Variants in MID1 observed in about 807,000 individuals in gnomAD.
The protein encoded by MID1 is midline 1.
In MID1, 7 loss-of-function variants were observed where a neutral mutation model predicts 40.4. The ratio of observed to expected loss-of-function variants is 0.17; its 90% CI spans 0.10 to 0.33. The LOEUF is 0.33. Among genes scored for constraint, MID1 ranks in the 10% least tolerant of loss-of-function variants. The pLI, the probability that MID1 is intolerant of heterozygous loss-of-function variation, is 1.00. For synonymous variants in MID1, 229 were observed against 221.2 expected, an observed-to-expected ratio of 1.04 and a Z score of -0.31; for missense variants, 367 against 558.5, an observed-to-expected ratio of 0.66 and a Z score of 3.46.
intron 1 of MID1, among the ~76,000 whole-genome samples, chrX:10,762,509 C>CT (rs1463556696): frequency 9.2e-6 from 1 of 109,273 alleles, no homozygotes; most frequent in African/African-American, 3.3e-5. Context: ...TATCGGCTCA[C>CT]TGCAGCCTCA....
chrX:10,545,780 T>C (rs1249038480), intron 2 of MID1, among the ~76,000 whole-genome samples: 1 of 111,863 alleles, frequency 8.9e-6, no homozygotes, highest in African/African-American at 3.2e-5. Flanking sequence ...GAAACATACC[T>C]ATTTGAAAGC....
intron 1 of MID1, among the ~76,000 whole-genome samples, chrX:10,597,525 C>G (rs772371361): frequency 1.8e-5 from 2 of 111,679 alleles, no homozygotes; most frequent in Non-Finnish European, 3.8e-5. Flanking sequence ...AAAACTAGTT[C>G]TCAGTGGCAA....
At chrX:10,556,638 C>T (rs1456577836) in intron 2 of MID1, among the ~76,000 whole-genome samples, 1 of 112,011 alleles carries the variant, frequency 8.9e-6, no homozygotes, top group Non-Finnish European at 1.9e-5. Context: ...ACCTCGTGTA[C>T]ATCCAACACT....
chrX:10,663,215 T>A (rs1230188039), intron 1 of MID1, among the ~76,000 whole-genome samples: 1 of 111,230 alleles, frequency 9.0e-6, no homozygotes, highest in African/African-American at 3.3e-5. Flanking sequence ...ACAACCATCA[T>A]CAACATCTAA....
intron 1 of MID1, among the ~76,000 whole-genome samples, chrX:10,808,069 A>T (rs970376199): frequency 3.5e-5 from 4 of 112,698 alleles, no homozygotes; most frequent in African/African-American, 1.3e-4. Context: ...TTCACTCCAC[A>T]AACAAGATTG....
chrX:10,541,637 A>G (rs1332618007), intron 2 of MID1, among the ~76,000 whole-genome samples: 1 of 111,515 alleles, frequency 9.0e-6, no homozygotes, highest in African/African-American at 3.3e-5. Context: ...AGTTCTTTGC[A>G]CTTTGTAGTA....
chrX:10,638,592 GA>G (rs763890114), intron 1 of MID1, among the ~76,000 whole-genome samples: 1 of 112,484 alleles, frequency 8.9e-6, no homozygotes, highest in East Asian at 2.8e-4. Context: ...GGGCATAGCT[GA>G]ACAAAAGGCA....
chrX:10,758,741 G>T (rs1416907309), intron 1 of MID1, among the ~76,000 whole-genome samples: 2 of 110,163 alleles, frequency 1.8e-5, no homozygotes, highest in Non-Finnish European at 3.8e-5. Context: ...GCCCACCTCA[G>T]CCTCCCAAAG....
At chrX:10,703,775 A>G (rs1033171531) in intron 1 of MID1, among the ~76,000 whole-genome samples, 3 of 112,501 alleles carry the variant, frequency 2.7e-5, no homozygotes, top group Non-Finnish European at 5.6e-5. Context: ...ATAAAGTAAG[A>G]TGTGATTGAA....
chrX:10,580,709 T>C (rs988637940), intron 1 of MID1, among the ~76,000 whole-genome samples: 6 of 111,022 alleles, frequency 5.4e-5, no homozygotes. Context: ...TCTTTTTTTT[T>C]CTCTTTTCTA....
At chrX:10,594,086 T>C (rs1286375326) in intron 1 of MID1, among the ~76,000 whole-genome samples, 1 of 111,175 alleles carries the variant, frequency 9.0e-6, no homozygotes, top group Non-Finnish European at 1.9e-5. Flanking sequence ...ATTTTGAAAA[T>C]AGTACAGTTG....
intron 1 of MID1, among the ~76,000 whole-genome samples, chrX:10,572,631 T>C (rs1934768730): frequency 9.1e-6 from 1 of 109,704 alleles, no homozygotes; most frequent in South Asian, 4.0e-4. Flanking sequence ...CATAATGTAA[T>C]TTCCATGCCT....
chrX:10,459,832 C>T, intron 7 of MID1, 25 bp from the exon 8 acceptor site: 3 of 1,197,224 alleles, frequency 2.5e-6, no homozygotes, highest in Non-Finnish European at 2.3e-6. Context: ...AGACATGGTG[C>T]AGTTCTTTGG....
chrX:10,544,998 C>A (rs1250649273), intron 2 of MID1, among the ~76,000 whole-genome samples: 1 of 111,992 alleles, frequency 8.9e-6, no homozygotes, highest in Non-Finnish European at 1.9e-5. Context: ...GCTGTCTCAC[C>A]TAGGCTGAAG....
chrX:10,768,718 T>G, intron 1 of MID1, among the ~76,000 whole-genome samples: 1 of 112,134 alleles, frequency 8.9e-6, no homozygotes, highest in Non-Finnish European at 1.9e-5. Context: ...CCAGGACTGG[T>G]CCTTGGGGGC....
chrX:10,559,064 G>A (rs1934233887), intron 2 of MID1, among the ~76,000 whole-genome samples: 1 of 112,101 alleles, frequency 8.9e-6, no homozygotes, highest in Non-Finnish European at 1.9e-5. Context: ...GCCTGGAGAT[G>A]CTTTCTTTTA....
chrX:10,779,581 A>G (rs769739643), intron 1 of MID1, among the ~76,000 whole-genome samples: 1 of 112,347 alleles, frequency 8.9e-6, no homozygotes, highest in East Asian at 2.8e-4. Context: ...AAAAGCTCAG[A>G]GAAGAGGACA....
At chrX:10,703,917 TG>T (rs1169514442) in intron 1 of MID1, among the ~76,000 whole-genome samples, 2 of 112,342 alleles carry the variant, frequency 1.8e-5, no homozygotes, top group Non-Finnish European at 3.8e-5. Context: ...TACTGACTAA[TG>T]CCAATTCCGT....
intron 1 of MID1, among the ~76,000 whole-genome samples, chrX:10,716,882 C>T (rs754905362): frequency 1.8e-5 from 2 of 111,471 alleles, no homozygotes; most frequent in South Asian, 7.6e-4. Context: ...AGTGTGGGGG[C>T]CAATATTCAA....
Sources: allele counts gnomAD v4.1 joint callset (sites outside exome capture counted in the v4.1 genomes callset), GRCh38; gene constraint gnomAD v4.1.1; transcripts MANE v1.5; gene names NCBI Gene and HGNC (gene_info 2026-07-23, HGNC 2026-07-21).